Variants in STK32B observed in about 807,000 individuals in gnomAD.
The protein encoded by STK32B is serine/threonine kinase 32B, also known as serine/threonine-protein kinase 32B.
Under a neutral mutation model 52.6 loss-of-function variants are expected in STK32B, and 43 were observed. The observed-to-expected ratio is 0.82, with a 90% confidence interval of 0.64 to 1.05. The LOEUF is 1.05. Ranked by LOEUF, STK32B falls within the 50% of genes least tolerant of loss-of-function variation. STK32B has a pLI of 0.00. For synonymous variants in STK32B, 238 were observed against 204.3 expected (o/e 1.17, Z -1.41); for missense variants, 621 against 534.6 (o/e 1.16, Z -1.59).
intron 4 of STK32B, among the ~76,000 whole-genome samples, chr4:5,348,446 C>T (rs1353735031): frequency 6.6e-6 from 1 of 152,174 alleles, no homozygotes; most frequent in Admixed American, 6.5e-5. Flanking sequence ...TGGACATTCC[C>T]CACCCATAGC....
intron 4 of STK32B, among the ~76,000 whole-genome samples, chr4:5,335,806 T>A (rs1397239700): frequency 1.3e-5 from 2 of 152,146 alleles, no homozygotes; most frequent in African/African-American, 2.4e-5. Context: ...AGTTTCTTAA[T>A]CCTGAGTTGT....
At chr4:5,462,318 GTGTC>G (rs1284390013) in intron 9 of STK32B, among the ~76,000 whole-genome samples, 1 of 151,308 alleles carries the variant, frequency 6.6e-6, no homozygotes, top group East Asian at 1.9e-4. Context: ...GTGTGTCTGT[GTGTC>G]TGTATGTCTA....
At chr4:5,327,543 G>A (rs143087763) in intron 3 of STK32B, among the ~76,000 whole-genome samples, 378 of 151,882 alleles carry the variant, frequency 2.5e-3, no homozygotes, top group African/African-American at 8.6e-3. Context: ...GACTAAGAGT[G>A]GTAATATTTT....
intron 6 of STK32B, among the ~76,000 whole-genome samples, chr4:5,438,768 ACAGTTCC>A (rs1714388387): frequency 6.6e-6 from 1 of 152,054 alleles, no homozygotes; most frequent in Admixed American, 6.5e-5. Flanking sequence ...ACACCCCACA[ACAGTTCC>A]CAGAGTATGA....
intron 3 of STK32B, among the ~76,000 whole-genome samples, chr4:5,200,237 T>C (rs6856684): frequency 0.11 from 16,158 of 151,982 alleles, 958 homozygotes; most frequent in Middle Eastern, 0.14. Context: ...TTGTTTTTGA[T>C]CTGCACTCTT....
intron 3 of STK32B, among the ~76,000 whole-genome samples, chr4:5,235,907 A>G (rs1378749393): frequency 6.6e-6 from 1 of 152,194 alleles, no homozygotes; most frequent in Non-Finnish European, 1.5e-5. Flanking sequence ...CTTCCTGCCC[A>G]TCACTTACTA....
At chr4:5,152,609 T>G (rs1164970608) in intron 2 of STK32B, among the ~76,000 whole-genome samples, 1 of 152,110 alleles carries the variant, frequency 6.6e-6, no homozygotes, top group Non-Finnish European at 1.5e-5. Context: ...CAGTGCAGAG[T>G]GTGTGTCTGG....
intron 5 of STK32B, among the ~76,000 whole-genome samples, chr4:5,416,001 C>A (rs1329601395): frequency 6.6e-6 from 1 of 152,130 alleles, no homozygotes; most frequent in Non-Finnish European, 1.5e-5. Context: ...GGTGAAAATC[C>A]AGCCAGCCAT....
chr4:5,050,799 C>A (rs1002188130), upstream of STK32B, among the ~76,000 whole-genome samples: 1 of 152,142 alleles, frequency 6.6e-6, no homozygotes, highest in Non-Finnish European at 1.5e-5. Flanking sequence ...GCGTATCTCC[C>A]GATCCAGGCT....
chr4:5,104,665 G>A (rs1714001994), intron 1 of STK32B, among the ~76,000 whole-genome samples: 1 of 152,168 alleles, frequency 6.6e-6, no homozygotes, highest in African/African-American at 2.4e-5. Flanking sequence ...TAACTCAGAA[G>A]CCCCTTTCAT....
At chr4:5,175,751 G>C (rs1250739618) in intron 3 of STK32B, among the ~76,000 whole-genome samples, 1 of 152,094 alleles carries the variant, frequency 6.6e-6, no homozygotes, top group Non-Finnish European at 1.5e-5. Flanking sequence ...TGGGGATCAG[G>C]GACCCACTTG....
At chr4:5,459,983 A>T (rs778371052) in intron 8 of STK32B, 120 bp from the exon 9 acceptor site, 253 of 1,445,624 alleles carry the variant, frequency 1.8e-4, no homozygotes, top group Non-Finnish European at 2.3e-4. Context: ...ACGGGGCACA[A>T]CATCAATAGA....
In STK32B at chr4:5,317,071, T is replaced by TAA. The variant is rs1192353751; in HGVS notation, c.261-14149_261-14148insAA. Among the ~76,000 whole-genome samples the TAA allele has an allele frequency of 1.0e-4, 3 of 29,024 alleles. 1 individual carries two copies. The African/African-American group carries it at 1.1e-3, about 10-fold the overall frequency. 19.0% of individuals were successfully genotyped at this position (29,024 alleles called of 152,430 possible). On this transcript the variant is annotated intron_variant, in intron 3 of 11. Coordinates refer to ENST00000282908, the MANE Select transcript of STK32B (RefSeq NM_018401.3). ...TATATAATATATATGATATAATATA[T>TAA]TATATATTATATATATAATATATAT...
chr4:5,031,374 A>G, the STK32B span, among the ~76,000 whole-genome samples: 5 of 152,102 alleles, frequency 3.3e-5, no homozygotes, highest in African/African-American at 9.7e-5. Context: ...AAAATGAGGG[A>G]TGACTTTATT....
intron 3 of STK32B, among the ~76,000 whole-genome samples, chr4:5,202,965 T>C (rs1388230492): frequency 6.6e-6 from 1 of 152,196 alleles, no homozygotes; most frequent in Admixed American, 6.5e-5. Context: ...ATACCTTGGT[T>C]TGGGAAGCAA....
At chr4:5,061,936 A>G (rs1742233215) in intron 1 of STK32B, among the ~76,000 whole-genome samples, 1 of 152,118 alleles carries the variant, frequency 6.6e-6, no homozygotes, top group African/African-American at 2.4e-5. Context: ...TTTCTCCTGG[A>G]TATTTGTCCC....
At chr4:5,075,881 A>G (rs925043498) in intron 1 of STK32B, among the ~76,000 whole-genome samples, 2 of 152,104 alleles carry the variant, frequency 1.3e-5, no homozygotes, top group South Asian at 2.1e-4. Context: ...GGTCCATGTA[A>G]TTACATGTTT....
intron 4 of STK32B, among the ~76,000 whole-genome samples, chr4:5,336,329 A>G (rs1349111280): frequency 2.0e-5 from 3 of 151,962 alleles, no homozygotes; most frequent in Non-Finnish European, 4.4e-5. Context: ...AGGTTATAGT[A>G]AACAAGCCCT....
intron 1 of STK32B, among the ~76,000 whole-genome samples, chr4:5,097,946 C>CA (rs1713492818): frequency 6.6e-6 from 1 of 152,220 alleles, no homozygotes; most frequent in African/African-American, 2.4e-5. Flanking sequence ...CCTGTCTCTG[C>CA]AGTCAGCTGG....
Sources: allele counts gnomAD v4.1 joint callset (sites outside exome capture counted in the v4.1 genomes callset), GRCh38; gene constraint gnomAD v4.1.1; transcripts MANE v1.5; gene names NCBI Gene and HGNC (gene_info 2026-07-23, HGNC 2026-07-21).